TMPRSS11E: variants seen among roughly 807,000 people sequenced by gnomAD.
The protein encoded by TMPRSS11E is transmembrane serine protease 11E.
Under a neutral mutation model 48.1 loss-of-function variants are expected in TMPRSS11E, and 38 were observed. The observed-to-expected ratio is 0.79, with a 90% CI of 0.61 to 1.04. TMPRSS11E has a LOEUF of 1.04. TMPRSS11E is among the 50% of genes least tolerant of loss of function. The pLI, the probability that TMPRSS11E is intolerant of heterozygous loss-of-function variation, is 0.00. For synonymous variants in TMPRSS11E, 158 were observed against 171.9 expected (o/e 0.92, Z 0.63); for missense variants, 530 against 510.8 (o/e 1.04, Z -0.36).
At position 68,496,723 on chromosome 4, in the gene TMPRSS11E, A is replaced by G. The variant is rs199548629; in HGVS notation, c.1191A>G (p.Glu397=). The part of the protein sequence containing the change: ...YLAGIVSWGD[E]CAKPNKPGVY... ...CTGGAATAGTGAGCTGGGGAGATGA[A>G]TGTGCGAAACCCAACAAGCCTGGTG... The change falls in exon 10 of 10, where the codon GAA becomes GAG. Residue 397 remains glutamate, a synonymous_variant. Coordinates refer to ENST00000305363, the MANE Select transcript of TMPRSS11E (RefSeq NM_014058.4). The G allele has an allele frequency of 3.8e-5, 61 of 1,613,718 alleles. No individual in the cohort carries two copies. The East Asian group carries it at 1.3e-3, about 34-fold the overall frequency.
chr4:68,457,897 A>G (rs1728678162), intron 1 of TMPRSS11E, among the ~76,000 whole-genome samples: 1 of 152,026 alleles, frequency 6.6e-6, no homozygotes, highest in South Asian at 2.1e-4. Flanking sequence ...ATACATGGAC[A>G]CAGGGAGCAG....
intron 4 of TMPRSS11E, among the ~76,000 whole-genome samples, chr4:68,470,922 C>A (rs1212787465): frequency 6.6e-6 from 1 of 151,798 alleles, no homozygotes; most frequent in Non-Finnish European, 1.5e-5. Context: ...ACTTGAGTCA[C>A]AAGAATAAAA....
intron 1 of TMPRSS11E, among the ~76,000 whole-genome samples, chr4:68,452,276 T>C (rs1219286919): frequency 1.3e-5 from 2 of 151,950 alleles, no homozygotes; most frequent in Non-Finnish European, 2.9e-5. Context: ...ACTATTACCA[T>C]TTAAGCTTGT....
intron 1 of TMPRSS11E, among the ~76,000 whole-genome samples, chr4:68,457,173 A>G (rs981738402): frequency 6.6e-6 from 1 of 152,234 alleles, no homozygotes. Flanking sequence ...AAGGGCTAAT[A>G]TGCAGAATCT....
In TMPRSS11E at chr4:68,496,534, G is replaced by C; in HGVS notation, c.1111-109G>C. On this transcript the variant is annotated intron_variant, in intron 9 of 9. Transcript: ENST00000305363. Reference sequence around the variant, plus strand: ...AATCACTTATGCATGCGAACACACGGAATACTTTTGAAAATTACCCCTTTC... The same window carrying C: ...AATCACTTATGCATGCGAACACACGCAATACTTTTGAAAATTACCCCTTTC... 3.6e-6 allele frequency: 4 copies of C among 1,119,328 alleles called. No homozygotes were observed. The South Asian group carries it at 4.8e-5, about 13-fold the overall frequency. 69.3% of individuals were successfully genotyped at this position (1,119,328 alleles called of 1,614,324 possible).
At chr4:68,449,895 A>G (rs187816276) in intron 1 of TMPRSS11E, among the ~76,000 whole-genome samples, 17 of 151,894 alleles carry the variant, frequency 1.1e-4, no homozygotes, top group Non-Finnish European at 1.5e-5. Context: ...TTTATGCAAC[A>G]TGGTGATGAT....
At chr4:68,463,149 C>T (rs549528539) in intron 2 of TMPRSS11E, among the ~76,000 whole-genome samples, 12 of 152,272 alleles carry the variant, frequency 7.9e-5, no homozygotes, top group East Asian at 5.8e-4. Flanking sequence ...CTACTATCCA[C>T]GCAAGTATAA....
chr4:68,465,455 T>G (rs1728902606), intron 2 of TMPRSS11E, among the ~76,000 whole-genome samples: 1 of 152,296 alleles, frequency 6.6e-6, no homozygotes, highest in African/African-American at 2.4e-5. Context: ...TTTTTCCTAC[T>G]CTAAGAAGCA....
intron 5 of TMPRSS11E, 63 bp downstream of exon 5, chr4:68,471,686 CT>C: frequency 7.4e-7 from 1 of 1,351,640 alleles, no homozygotes; most frequent in Non-Finnish European, 9.7e-7. Context: ...GATCTTGGCA[CT>C]TATTAAAAAA....
At chr4:68,491,529 G>T (rs748350111) in intron 9 of TMPRSS11E, among the ~76,000 whole-genome samples, 3 of 151,980 alleles carry the variant, frequency 2.0e-5, no homozygotes, top group Non-Finnish European at 4.4e-5. Flanking sequence ...ACATATTTTT[G>T]AAGCCGGGTT....
chr4:68,456,957 A>G (rs558728939), intron 1 of TMPRSS11E, among the ~76,000 whole-genome samples: 1 of 152,214 alleles, frequency 6.6e-6, no homozygotes, highest in Non-Finnish European at 1.5e-5. Context: ...AAACTCTAGA[A>G]GAAAACCTAG....
intron 8 of TMPRSS11E, among the ~76,000 whole-genome samples, chr4:68,477,858 A>G (rs1319950896): frequency 6.6e-6 from 1 of 152,144 alleles, no homozygotes; most frequent in Non-Finnish European, 1.5e-5. Context: ...TACTGCTAAG[A>G]TGTCTGAAAA....
At position 68,490,399 on chromosome 4, in the gene TMPRSS11E, T is replaced by G. The variant is rs185654486; in HGVS notation, c.1111-6244T>G. ...TATTATTTAAAACTCTAGATCTTAT[T>G]TAAATTTTCTATTTAACCATGCCTC... On this transcript the variant is annotated intron_variant, in intron 9 of 9. Coordinates refer to ENST00000305363, the MANE Select transcript of TMPRSS11E (RefSeq NM_014058.4). Among the ~76,000 whole-genome samples, 165 of 152,310 alleles carry G rather than the reference T, an allele frequency of 1.1e-3. 2 individuals carry two copies. The highest frequency in any genetic ancestry group is 8.9e-3 in the Admixed American group (136 of 15,300).
Position 68,471,655 on chromosome 4 carries a change from G to A in TMPRSS11E, c.490+32G>A, listed in dbSNP as rs778499889. The A allele has an allele frequency of 9.9e-6, 15 of 1,513,866 alleles. No homozygotes were observed. The African/African-American group carries it at 2.1e-4, about 21-fold the overall frequency. 93.8% of individuals were successfully genotyped at this position (1,513,866 alleles called of 1,614,324 possible). On this transcript the variant is annotated intron_variant, in intron 5 of 9. Transcript: ENST00000305363. Reference sequence around the variant, plus strand: ...TAATTTCTCTTATTTTTCTTTCATAGAACAGCTTCATGTTAGGTTTGATCT... The same window carrying A: ...TAATTTCTCTTATTTTTCTTTCATAAAACAGCTTCATGTTAGGTTTGATCT...
Position 68,494,942 on chromosome 4 carries a change from C to T in TMPRSS11E, c.1111-1701C>T, listed in dbSNP as rs186595337. ...CTCTCTGGGGAGGGAGTTTTGGGTA[C>T]AGGCACTCAGGCATTTTCTTAAAAC... On this transcript the variant is annotated intron_variant, in intron 9 of 9. Coordinates refer to ENST00000305363, the MANE Select transcript of TMPRSS11E (RefSeq NM_014058.4). Among the ~76,000 whole-genome samples the T allele has an allele frequency of 2.5e-3, 385 of 152,264 alleles. 2 individuals carry two copies. The highest frequency in any genetic ancestry group is 4.7e-3 in the Non-Finnish European group (317 of 68,032).
At chr4:68,486,902 A>G (rs980635358) in intron 9 of TMPRSS11E, among the ~76,000 whole-genome samples, 1 of 152,020 alleles carries the variant, frequency 6.6e-6, no homozygotes, top group Non-Finnish European at 1.5e-5. Context: ...CTTTTTAATT[A>G]TTGTTTTAAA....
At chr4:68,462,214 A>G (rs36028307) in intron 2 of TMPRSS11E, among the ~76,000 whole-genome samples, 32,008 of 152,044 alleles carry the variant, frequency 0.21, 3,487 homozygotes, top group Admixed American at 0.27. Flanking sequence ...TATTAATCAA[A>G]GGAAAACTAC....
Position 68,471,601 on chromosome 4 carries a change from T to A in TMPRSS11E, c.468T>A (p.Asp156Glu), listed in dbSNP as rs1729072846. The change falls in exon 5 of 10, where the codon GAT (aspartate) becomes GAA (glutamate). Residue 156 changes from aspartate (D) to glutamate (E), a missense_variant. Transcript: ENST00000305363. ...LQDAVGPPKV[D>E]PHSVKIKKIN... ...ATGCTGTAGGACCCCCTAAAGTAGATCCTCACTCAGTTAAAATTAAAAGTA... is the reference window on the plus strand; with the variant it reads ...ATGCTGTAGGACCCCCTAAAGTAGAACCTCACTCAGTTAAAATTAAAAGTA... 6.3e-7 allele frequency: 1 copy of A among 1,591,442 alleles called. No homozygotes were observed. Among genetic ancestry groups the A allele is most frequent in the Non-Finnish European group, 8.5e-7 (1 of 1,172,754 alleles).
At chr4:68,476,568 C>A in intron 7 of TMPRSS11E, 130 bp downstream of exon 7, 3 of 905,816 alleles carry the variant, frequency 3.3e-6, no homozygotes, top group Non-Finnish European at 4.8e-6. Context: ...TCACAAAAGA[C>A]TGGATCATTT....
Sources: allele counts gnomAD v4.1 joint callset (sites outside exome capture counted in the v4.1 genomes callset), GRCh38; gene constraint gnomAD v4.1.1; transcripts MANE v1.5; gene names NCBI Gene and HGNC (gene_info 2026-07-23, HGNC 2026-07-21).